Variants in TNS1 observed in about 807,000 individuals in gnomAD.
TNS1 encodes tensin-1.
Under a neutral mutation model 168.6 loss-of-function variants are expected in TNS1, and 62 were observed. The ratio of observed to expected loss-of-function variants is 0.37; its 90% confidence interval spans 0.30 to 0.45. TNS1 has a LOEUF of 0.45. TNS1 is among the 20% of genes least tolerant of loss of function. The probability of loss-of-function intolerance (pLI) is 1.00; values close to 1 mark genes in which losing one functional copy is unlikely to be tolerated. For synonymous variants in TNS1, 934 were observed against 933.2 expected, an observed-to-expected ratio of 1.00 and a Z score of -0.02; for missense variants, 2,240 against 2,339.4, an observed-to-expected ratio of 0.96 and a Z score of 0.88.
At chr2:217,958,078 G>C (rs777144855) in intron 3 of TNS1, among the ~76,000 whole-genome samples, 15 of 151,520 alleles carry the variant, frequency 9.9e-5, no homozygotes, top group African/African-American at 3.6e-4. Context: ...TGAGATTCAA[G>C]ATGATCTTAG....
chr2:217,888,623 A>T (rs767557944), intron 12 of TNS1, among the ~76,000 whole-genome samples: 1 of 152,106 alleles, frequency 6.6e-6, no homozygotes, highest in Non-Finnish European at 1.5e-5. Flanking sequence ...CCCCCATTCT[A>T]TTCTCGTGGT....
chr2:217,831,644 G>C (rs886698214), intron 21 of TNS1, 97 bp from the exon 22 acceptor site: 2 of 981,426 alleles, frequency 2.0e-6, no homozygotes, highest in Non-Finnish European at 2.8e-6. Context: ...AGGGCTGGGG[G>C]GCTGGAGACG....
chr2:217,997,760 GTAA>G (rs1958497179), intron 1 of TNS1, among the ~76,000 whole-genome samples: 1 of 152,202 alleles, frequency 6.6e-6, no homozygotes, highest in African/African-American at 2.4e-5. Context: ...AGATTATGCC[GTAA>G]AGTCGGTGGA....
At chr2:217,808,923 A>G (rs1939797631) in intron 30 of TNS1, among the ~76,000 whole-genome samples, 1 of 152,192 alleles carries the variant, frequency 6.6e-6, no homozygotes, top group African/African-American at 2.4e-5. Context: ...GAGGAATAGG[A>G]AATGTGGGGA....
Position 217,818,151 on chromosome 2 carries a change from T to C in TNS1, c.4181A>G (p.Asn1394Ser). The C allele has an allele frequency of 6.2e-7, 1 of 1,613,986 alleles. No individual in the cohort carries two copies. The highest frequency in any genetic ancestry group is 8.5e-7 in the Non-Finnish European group (1 of 1,179,984). ...GGGGCTTCCAGGGCTGGCTATTGCATTGCTATGAAGACCGGAGGCCAGGTT... is the reference window on the plus strand; with the variant it reads ...GGGGCTTCCAGGGCTGGCTATTGCACTGCTATGAAGACCGGAGGCCAGGTT... ...QGNLASGLHSNAIASPGSPSL... is the reference protein window; with the variant it reads ...QGNLASGLHSSAIASPGSPSL... Residue 1394 changes from asparagine to serine, a missense_variant, in exon 24 of 33, where the codon AAT (asparagine) becomes AGT (serine). Asn to Ser is a conservative substitution (Grantham distance 46). Around this residue, in one of 2 missense-constraint regions of TNS1, gnomAD observed 2,131 missense variants for 2,171.2 expected, o/e 0.98. Coordinates refer to ENST00000682258, the MANE Select transcript of TNS1 (RefSeq NM_001387777.1).
chr2:217,952,051 A>T (rs922703978), intron 3 of TNS1, among the ~76,000 whole-genome samples: 2 of 152,244 alleles, frequency 1.3e-5, no homozygotes, highest in African/African-American at 4.8e-5. Context: ...GGAGCACTTG[A>T]TCTAGGAGAG....
At chr2:217,822,031 G>T (rs1490256514) in intron 22 of TNS1, 93 bp from the exon 23 acceptor site, 39 of 1,321,422 alleles carry the variant, frequency 3.0e-5, no homozygotes, top group Non-Finnish European at 3.8e-5. Flanking sequence ...CAGCTTCCTG[G>T]ACTCCTGCCT....
intron 12 of TNS1, chr2:217,890,672 C>T: frequency 2.1e-6 from 1 of 480,950 alleles, no homozygotes; most frequent in Non-Finnish European, 3.8e-6. Context: ...CTTCCTAGAC[C>T]AGCGCCTTCT....
chr2:217,971,713 A>AGGTCGT (rs1167606179), intron 3 of TNS1, among the ~76,000 whole-genome samples: 3 of 152,204 alleles, frequency 2.0e-5, no homozygotes, highest in Non-Finnish European at 4.4e-5. Flanking sequence ...TAAAAATCCC[A>AGGTCGT]ATGCCCAGGT....
In TNS1 at chr2:217,907,823, G is replaced by C. The variant is rs570130904; in HGVS notation, c.229-572C>G. Among the ~76,000 whole-genome samples the C allele has an allele frequency of 9.9e-5, 15 of 152,260 alleles. 1 individual carries two copies. Among genetic ancestry groups the C allele is most frequent in the African/African-American group, 3.6e-4 (15 of 41,536 alleles). On this transcript the variant is annotated intron_variant, in intron 4 of 32. Coordinates refer to ENST00000682258, the MANE Select transcript of TNS1 (RefSeq NM_001387777.1). ...ACACACCTCCATTTCCAAGCACAAAGGCTCTGCTCCATCAGCCCCAGCCCC... is the reference window on the plus strand; with the variant it reads ...ACACACCTCCATTTCCAAGCACAAACGCTCTGCTCCATCAGCCCCAGCCCC...
intron 19 of TNS1, among the ~76,000 whole-genome samples, chr2:217,840,122 G>A (rs553382203): frequency 5.9e-5 from 9 of 152,342 alleles, no homozygotes; most frequent in African/African-American, 2.2e-4. Flanking sequence ...GAGAAGAAGG[G>A]ACCATGGAGG....
At chr2:217,866,083 G>A (rs1309536216) in intron 18 of TNS1, among the ~76,000 whole-genome samples, 2 of 152,190 alleles carry the variant, frequency 1.3e-5, no homozygotes, top group African/African-American at 2.4e-5. Flanking sequence ...TCTCCTGAAT[G>A]TCAGACCTCC....
Position 217,845,541 on chromosome 2 carries a change from G to A in TNS1, c.3007+1969C>T, listed in dbSNP as rs7566566. Among the ~76,000 whole-genome samples the A allele has an allele frequency of 2.0e-5, 3 of 152,024 alleles. No homozygotes were observed. In the East Asian group the frequency reaches 5.8e-4, roughly 29 times the overall value. On this transcript the variant is annotated intron_variant, in intron 19 of 32. Coordinates refer to ENST00000682258, the MANE Select transcript of TNS1 (RefSeq NM_001387777.1). ...TCATAGACCTGGGAGCCAAATATAA[G>A]TGTCCCCTCTATACATTTCATCCCT...
chr2:217,818,533 G>A lies in TNS1; in HGVS notation c.3799C>T (p.Arg1267Ter), dbSNP rs916044180. The A allele has an allele frequency of 6.2e-7, 1 of 1,614,112 alleles. No homozygotes were observed. Residue 1267 changes from arginine to a stop codon, truncating the protein, a stop_gained, in exon 24 of 33, where the codon CGA (arginine) becomes TGA (stop). Transcript: ENST00000682258. LOFTEE classifies it high-confidence loss of function. Reference protein sequence around the residue: ...HFSSSPESQARAQFSVAGVHT... With the variant: ...HFSSSPESQA ...ACGCCAGCCACACTGAACTGAGCTC[G>A]AGCCTGGCTTTCCGGAGAGGAGCTG... is the stretch of plus-strand genomic sequence containing the variant.
intron 22 of TNS1, among the ~76,000 whole-genome samples, chr2:217,826,728 G>A (rs1373495948): frequency 6.6e-6 from 1 of 152,228 alleles, no homozygotes; most frequent in African/African-American, 2.4e-5. Context: ...GAGTTGGGCA[G>A]GGCGGGAGAG....
At chr2:217,889,221 T>C (rs185148472) in intron 12 of TNS1, among the ~76,000 whole-genome samples, 203 of 152,372 alleles carry the variant, frequency 1.3e-3, no homozygotes, top group African/African-American at 4.4e-3. Context: ...AGGCTGGCTA[T>C]CAACTGTTTT....
intron 3 of TNS1, among the ~76,000 whole-genome samples, chr2:217,930,628 G>A (rs538827773): frequency 2.0e-5 from 3 of 152,340 alleles, no homozygotes; most frequent in South Asian, 4.1e-4. Context: ...GAGGCTCTGA[G>A]CTGGTCAGGG....
Position 218,028,031 on chromosome 2 carries a change from A to AG in TNS1, c.156+5788dup, listed in dbSNP as rs1441580367. Reference sequence around the variant, plus strand: ...TTCCTGGGAAAGGATGCTGGTAGGAAGGCCCAGACAAGCTGGCCTGGAGGA... The same window carrying AG: ...TTCCTGGGAAAGGATGCTGGTAGGAAGGGCCCAGACAAGCTGGCCTGGAGGA... On this transcript the variant is annotated intron_variant, in intron 1 of 1. Transcript: ENST00000649572. Among the ~76,000 whole-genome samples the AG allele has an allele frequency of 2.6e-5, 4 of 152,236 alleles. No individual in the cohort carries two copies. In the South Asian group the frequency reaches 6.2e-4, roughly 24 times the overall value.
At chr2:217,936,712 C>CCCCAT (rs1247602686) in intron 3 of TNS1, among the ~76,000 whole-genome samples, 1 of 152,110 alleles carries the variant, frequency 6.6e-6, no homozygotes, top group Non-Finnish European at 1.5e-5. Context: ...CAGAATATCC[C>CCCCAT]CCCATCTTGA....
Sources: gnomAD v4.1 joint callset for allele counts (sites outside exome capture counted in the v4.1 genomes callset) on GRCh38, gnomAD v4.1.1 for gene constraint, gnomAD v4.1.1 regional missense constraint, MANE v1.5 for transcripts, NCBI Gene and HGNC (gene_info 2026-07-23, HGNC 2026-07-21) for gene names.